UGT1A6: variants seen among roughly 807,000 people sequenced by gnomAD.
The protein encoded by UGT1A6 is UDP glucuronosyltransferase family 1 member A6.
UGT1A6 carries 32 observed loss-of-function variants against 44.4 expected under a neutral mutation model. That is an observed-to-expected ratio of 0.72 (90% CI 0.54 to 0.97). The LOEUF is 0.97. UGT1A6 is among the 50% of genes least tolerant of loss of function. The pLI, the probability that UGT1A6 is intolerant of heterozygous loss-of-function variation, is 0.00. For missense variants in UGT1A6, 685 were observed against 661.9 expected, an observed-to-expected ratio of 1.03 and a Z score of -0.38; for synonymous variants, 238 against 248.5, an observed-to-expected ratio of 0.96 and a Z score of 0.40.
intron 1 of UGT1A6, among the ~76,000 whole-genome samples, chr2:233,711,994 G>A (rs28898596): frequency 0.1 from 15,482 of 152,248 alleles, 907 homozygotes; most frequent in East Asian, 0.2. Flanking sequence ...AAATTATTCT[G>A]TTCTGGAGGA....
chr2:233,703,111 T>C (rs2075722955), intron 1 of UGT1A6, among the ~76,000 whole-genome samples: 1 of 152,236 alleles, frequency 6.6e-6, no homozygotes, highest in Admixed American at 6.5e-5. Flanking sequence ...AAATTACTAA[T>C]TTAATCTTTT....
At chr2:233,705,828 A>T (rs968618860) in intron 1 of UGT1A6, among the ~76,000 whole-genome samples, 2 of 152,176 alleles carry the variant, frequency 1.3e-5, no homozygotes, top group Admixed American at 1.3e-4. Flanking sequence ...GGCCGAGCAC[A>T]GTGGCTGGAG....
chr2:233,755,271 C>CATAG, intron 1 of UGT1A6: 1 of 755,820 alleles, frequency 1.3e-6, no homozygotes. Flanking sequence ...GTCCACTATG[C>CATAG]TGGACTGCCA....
At position 233,772,889 on chromosome 2, in the gene UGT1A6, T is replaced by C. The variant is rs1433214773; in HGVS notation, c.*330T>C. 3.8e-6 allele frequency: 2 copies of C among 531,532 alleles called. No homozygotes were observed. The highest frequency in any genetic ancestry group is 5.3e-5 in the East Asian group (1 of 18,828). 32.9% of individuals were successfully genotyped at this position (531,532 alleles called of 1,614,324 possible). On this transcript the variant is annotated 3_prime_UTR_variant, in exon 5 of 5. Transcript: ENST00000305139. Reference sequence around the variant, plus strand: ...TGTTTGGGAGTGCGGGATTCAAAGGTGGTCCCACGGCTGCCCCTACTGCAA... The same window carrying C: ...TGTTTGGGAGTGCGGGATTCAAAGGCGGTCCCACGGCTGCCCCTACTGCAA...
intron 1 of UGT1A6, among the ~76,000 whole-genome samples, chr2:233,733,638 G>T (rs913820039): frequency 6.6e-6 from 1 of 152,200 alleles, no homozygotes; most frequent in East Asian, 1.9e-4. Flanking sequence ...AACCAGCCTT[G>T]CATCCCAAGG....
chr2:233,705,947 G>A (rs1241175143), intron 1 of UGT1A6, among the ~76,000 whole-genome samples: 1 of 152,128 alleles, frequency 6.6e-6, no homozygotes, highest in Non-Finnish European at 1.5e-5. Context: ...AAATTAGCTG[G>A]GTGTGGAGGT....
At position 233,723,541 on chromosome 2, in the gene UGT1A6, TA is replaced by T. The variant is rs1455161715; in HGVS notation, c.861+29677del. 2.1e-4 allele frequency among the ~76,000 whole-genome samples: 28 copies of T among 134,814 alleles called. No individual in the cohort carries two copies. The East Asian group carries it at 3.0e-3, about 15-fold the overall frequency. 88.4% of individuals were successfully genotyped at this position (134,814 alleles called of 152,430 possible). Reference sequence around the variant, plus strand: ...CTTTTTTTTTTTTTTTTTTTTAATTTATTTTTTTATTGATAATTCTTGGGTG... The same window carrying T: ...CTTTTTTTTTTTTTTTTTTTTAATTTTTTTTTTATTGATAATTCTTGGGTG... On this transcript the variant is annotated intron_variant, in intron 1 of 4. Transcript: ENST00000305139.
chr2:233,701,424 A>G (rs2075626860), intron 1 of UGT1A6, among the ~76,000 whole-genome samples: 1 of 152,170 alleles, frequency 6.6e-6, no homozygotes, highest in South Asian at 2.1e-4. Context: ...TGTCAACATT[A>G]GACAGATCAA....
intron 1 of UGT1A6, chr2:233,743,704 C>T (rs773531190): frequency 8.8e-6 from 12 of 1,367,244 alleles, no homozygotes; most frequent in East Asian, 4.5e-5. Flanking sequence ...CCTCCGCCCC[C>T]GCCTCGCCAT....
chr2:233,692,633 C>T (rs969401857), upstream of UGT1A6, among the ~76,000 whole-genome samples: 2 of 152,124 alleles, frequency 1.3e-5, no homozygotes, highest in Non-Finnish European at 2.9e-5. Context: ...TAACAGACAA[C>T]GTCAATGATG....
intron 1 of UGT1A6, chr2:233,719,128 C>G: frequency 6.2e-7 from 1 of 1,614,240 alleles, no homozygotes; most frequent in East Asian, 2.2e-5. Flanking sequence ...TTCTTTGAAA[C>G]AGAACATCTT....
intron 1 of UGT1A6, chr2:233,719,820 C>T: frequency 6.4e-7 from 1 of 1,571,828 alleles, no homozygotes; most frequent in Non-Finnish European, 8.6e-7. Flanking sequence ...AACAGATAAA[C>T]TGTTGAGGGG....
At chr2:233,760,178 T>C in intron 1 of UGT1A6, 1 of 1,545,848 alleles carries the variant, frequency 6.5e-7, no homozygotes, top group Non-Finnish European at 8.7e-7. Flanking sequence ...CTGACAGCTT[T>C]TTATAGTCAC....
intron 1 of UGT1A6, among the ~76,000 whole-genome samples, chr2:233,695,215 T>C (rs2075273192): frequency 6.7e-6 from 1 of 148,732 alleles, no homozygotes; most frequent in Non-Finnish European, 1.5e-5. Flanking sequence ...AACCTCCACC[T>C]CCTGGGTTCA....
intron 1 of UGT1A6, chr2:233,712,902 G>T: frequency 4.3e-6 from 7 of 1,609,502 alleles, no homozygotes; most frequent in Non-Finnish European, 5.9e-6. Context: ...TTTGCTAGGT[G>T]TCTCAGTGAC....
At position 233,705,992 on chromosome 2, in the gene UGT1A6, G is replaced by A. The variant is rs187020674; in HGVS notation, c.861+12127G>A. On this transcript the variant is annotated intron_variant, in intron 1 of 4. Coordinates refer to ENST00000305139, the MANE Select transcript of UGT1A6 (RefSeq NM_001072.4). ...TGGTTCCGGCTACTCAGGAGGCTGA[G>A]GTGTGAGAATCACTTGCACTTGGAC... 1.2e-3 allele frequency among the ~76,000 whole-genome samples: 183 copies of A among 152,322 alleles called. 1 individual carries two copies. Among genetic ancestry groups the A allele is most frequent in the African/African-American group, 4.1e-3 (172 of 41,580 alleles).
intron 1 of UGT1A6, among the ~76,000 whole-genome samples, chr2:233,750,279 C>G (rs577374317): frequency 6.6e-6 from 1 of 152,046 alleles, no homozygotes; most frequent in East Asian, 1.9e-4. Flanking sequence ...AGCAAAGAGA[C>G]TGGTGGCATT....
At chr2:233,694,043 A>G (rs1023818564) in intron 1 of UGT1A6, among the ~76,000 whole-genome samples, 178 bp downstream of exon 1, 3 of 152,228 alleles carry the variant, frequency 2.0e-5, no homozygotes, top group African/African-American at 7.2e-5. Context: ...GAAGTGATAC[A>G]GAGGCATTCG....
intron 1 of UGT1A6, among the ~76,000 whole-genome samples, chr2:233,714,871 A>G (rs920771316): frequency 1.6e-4 from 24 of 148,302 alleles, no homozygotes; most frequent in African/African-American, 4.5e-4. Flanking sequence ...CTAAAATTCT[A>G]TCTTTTAAAT....
Sources: allele counts gnomAD v4.1 joint callset (sites outside exome capture counted in the v4.1 genomes callset), GRCh38; gene constraint gnomAD v4.1.1; transcripts MANE v1.5; gene names NCBI Gene and HGNC (gene_info 2026-07-23, HGNC 2026-07-21).